Variants in DBT observed in about 807,000 individuals in gnomAD.
DBT encodes the protein lipoamide acyltransferase component of branched-chain alpha-keto acid dehydrogenase complex, mitochondrial.
A neutral mutation model predicts 51.3 loss-of-function variants in DBT; 40 were observed. The ratio of observed to expected loss-of-function variants is 0.78; its 90% CI spans 0.61 to 1.02. The LOEUF is 1.02. Among genes scored for constraint, DBT ranks in the 50% least tolerant of loss-of-function variants. DBT has a pLI of 0.00. For synonymous variants in DBT, 181 were observed against 190.4 expected, an observed-to-expected ratio of 0.95 and a Z score of 0.41; for missense variants, 510 against 580.2, an observed-to-expected ratio of 0.88 and a Z score of 1.24.
intron 10 of DBT, among the ~76,000 whole-genome samples, chr1:100,205,542 C>T (rs747917074): frequency 6.6e-6 from 1 of 152,094 alleles, no homozygotes; most frequent in Non-Finnish European, 1.5e-5. Flanking sequence ...GACAGTGTGG[C>T]GATTCCTCAA....
At chr1:100,223,015 G>C (rs947018527) in intron 4 of DBT, among the ~76,000 whole-genome samples, 1 of 152,126 alleles carries the variant, frequency 6.6e-6, no homozygotes, top group Non-Finnish European at 1.5e-5. Context: ...AAGTTAGGAA[G>C]GTGGGTGATG....
At position 100,193,340 on chromosome 1, in the gene DBT, G is replaced by A. The variant is rs1052540127; in HGVS notation, c.*2915C>T. On this transcript the variant is annotated 3_prime_UTR_variant, in exon 11 of 11. Coordinates refer to ENST00000370132, the MANE Select transcript of DBT (RefSeq NM_001918.5). The stretch of plus-strand genomic sequence containing the variant: ...AATAAATGCCTATCAATAGATAATT[G>A]GTTAAATTATGGGACATCCATCTTC... 6.6e-6 allele frequency: 1 copy of A among 152,106 alleles called. No homozygotes were observed. Among genetic ancestry groups the A allele is most frequent in the African/African-American group, 2.4e-5 (1 of 41,420 alleles). 9.4% of individuals were successfully genotyped at this position (152,106 alleles called of 1,614,324 possible).
Position 100,190,160 on chromosome 1 carries a change from T to C in DBT, c.*6095A>G, listed in dbSNP as rs1570791925. 1.3e-5 allele frequency: 2 copies of C among 152,328 alleles called. No homozygotes were observed. The highest frequency in any genetic ancestry group is 2.1e-4 in the South Asian group (1 of 4,826). The allele number at this position is 152,328 out of a possible 1,614,324, so 9.4% of individuals were successfully genotyped here. A position where few individuals can be genotyped will look rare whatever the true frequency, so the allele number is the denominator to read the frequency against. ...ACAATAAAAGTGTATTATTCAACTA[T>C]CACATCCAAACCAATTGGTGCTAGG... On this transcript the variant is annotated 3_prime_UTR_variant, in exon 11 of 11. Coordinates refer to ENST00000370132, the MANE Select transcript of DBT (RefSeq NM_001918.5).
At chr1:100,229,457 C>T (rs1441791279) in intron 4 of DBT, among the ~76,000 whole-genome samples, 1 of 152,174 alleles carries the variant, frequency 6.6e-6, no homozygotes, top group Non-Finnish European at 1.5e-5. Context: ...TGAGCCACTG[C>T]GCCCAGCCTG....
chr1:100,214,703 G>A (rs560682886), intron 7 of DBT, 114 bp downstream of exon 7: 44 of 1,051,312 alleles, frequency 4.2e-5, no homozygotes, highest in South Asian at 2.4e-4. Context: ...GCAGTGAGCC[G>A]AGATTGTGCC....
chr1:100,203,797 A>C (rs184515633), intron 10 of DBT, among the ~76,000 whole-genome samples: 193 of 152,356 alleles, frequency 1.3e-3, no homozygotes, highest in South Asian at 6.4e-3. Flanking sequence ...CTGGTTCAAC[A>C]TGTGCAAATC....
chr1:100,241,472 T>C (rs1049272270), intron 1 of DBT, among the ~76,000 whole-genome samples: 2 of 151,556 alleles, frequency 1.3e-5, no homozygotes, highest in Non-Finnish European at 2.9e-5. Context: ...CACAGTTCAC[T>C]GAAGCCTTGA....
chr1:100,204,188 G>A (rs769358684), intron 10 of DBT, among the ~76,000 whole-genome samples: 15 of 152,290 alleles, frequency 9.8e-5, no homozygotes, highest in Non-Finnish European at 1.9e-4. Flanking sequence ...TGACATGATT[G>A]TATATTTAGA....
chr1:100,208,727 A>T (rs1426898457), intron 8 of DBT, among the ~76,000 whole-genome samples: 2 of 149,160 alleles, frequency 1.3e-5, no homozygotes, highest in East Asian at 3.9e-4. Context: ...GCAAGACCCC[A>T]TTTCTACAAA....
intron 6 of DBT, among the ~76,000 whole-genome samples, 192 bp downstream of exon 6, chr1:100,215,791 C>T (rs902845899): frequency 1.3e-5 from 2 of 151,996 alleles, no homozygotes; most frequent in African/African-American, 4.8e-5. Flanking sequence ...CACTGCACTA[C>T]AGTCTGGACA....
At chr1:100,236,652 T>TA (rs80138432) in intron 2 of DBT, among the ~76,000 whole-genome samples, 6 of 152,362 alleles carry the variant, frequency 3.9e-5, no homozygotes, top group Admixed American at 2.6e-4. Context: ...CAAAAGCATT[T>TA]AAAAAAATTT....
intron 4 of DBT, among the ~76,000 whole-genome samples, chr1:100,230,441 G>A (rs575412673): frequency 6.6e-6 from 1 of 152,114 alleles, no homozygotes; most frequent in African/African-American, 2.4e-5. Context: ...TTACCCAGAG[G>A]AGAAAGGATG....
chr1:100,240,773 T>C lies in DBT; in HGVS notation c.163A>G (p.Lys55Glu), dbSNP rs1664166080. The C allele has an allele frequency of 3.1e-6, 5 of 1,604,322 alleles. No individual in the cohort carries two copies. In the East Asian group the frequency reaches 1.1e-4, roughly 36 times the overall value. The part of the protein sequence containing the change: ...FKYSHPHHFL[K>E]TTAALRGQVV... ...AAATCATACTTACCAGCAGTTGTTT[T>C]CAGGAAGTGATGTGGATGACTATAC... Residue 55 changes from lysine (K) to glutamate (E), a missense_variant, in exon 2 of 11, where the codon AAA becomes GAA. By Grantham distance (56) the Lys-to-Glu change is moderately conservative. Coordinates refer to ENST00000370132, the MANE Select transcript of DBT (RefSeq NM_001918.5).
chr1:100,224,933 C>T (rs549316135), intron 4 of DBT, among the ~76,000 whole-genome samples: 4 of 148,814 alleles, frequency 2.7e-5, no homozygotes, highest in Middle Eastern at 3.4e-3. Context: ...GCAGGAGATT[C>T]GCTTAAACCA....
At chr1:100,230,978 T>A in intron 3 of DBT, 64 bp from the exon 4 acceptor site, 2 of 980,942 alleles carry the variant, frequency 2.0e-6, no homozygotes, top group Non-Finnish European at 3.3e-6. Flanking sequence ...ATATTAAGGA[T>A]GTAAATGCCA....
intron 10 of DBT, among the ~76,000 whole-genome samples, chr1:100,203,201 A>C (rs1661557827): frequency 6.6e-6 from 1 of 152,222 alleles, no homozygotes; most frequent in African/African-American, 2.4e-5. Flanking sequence ...ATGGACTGCT[A>C]GCTGGACTAA....
At chr1:100,197,703 G>A (rs1044746364) in intron 10 of DBT, among the ~76,000 whole-genome samples, 4 of 152,146 alleles carry the variant, frequency 2.6e-5, no homozygotes, top group Non-Finnish European at 4.4e-5. Flanking sequence ...AAATGGCCAG[G>A]TATTCTGCAA....
At chr1:100,211,162 T>C in intron 7 of DBT, 1 of 776,700 alleles carries the variant, frequency 1.3e-6, no homozygotes. Flanking sequence ...GTAAGCTATT[T>C]CTCTGTGTGG....
Position 100,210,789 on chromosome 1 carries a change from A to C in DBT, c.940-18T>G, listed in dbSNP as rs2100788572. ...GAAGCAGCCTGTTTAACAGAAAAAGAATGCAATTTTAGTACTTTTAACTTA... is the reference window on the plus strand; with the variant it reads ...GAAGCAGCCTGTTTAACAGAAAAAGCATGCAATTTTAGTACTTTTAACTTA... On this transcript the variant is annotated intron_variant, in intron 7 of 10. Coordinates refer to ENST00000370132, the MANE Select transcript of DBT (RefSeq NM_001918.5). 1.2e-6 allele frequency: 2 copies of C among 1,613,036 alleles called. No homozygotes were observed. Among genetic ancestry groups the C allele is most frequent in the Non-Finnish European group, 1.7e-6 (2 of 1,179,044 alleles).
Sources: gnomAD v4.1 joint callset for allele counts (sites outside exome capture counted in the v4.1 genomes callset) on GRCh38, gnomAD v4.1.1 for gene constraint, MANE v1.5 for transcripts, NCBI Gene and HGNC (gene_info 2026-07-23, HGNC 2026-07-21) for gene names.